Variants in GRIK3 observed in about 807,000 individuals in gnomAD.
GRIK3 encodes the protein glutamate receptor ionotropic, kainate 3.
Under a neutral mutation model 102.5 loss-of-function variants are expected in GRIK3, and 29 were observed. The observed-to-expected ratio is 0.28, with a 90% confidence interval of 0.21 to 0.39. GRIK3 has a LOEUF of 0.39. Among genes scored for constraint, GRIK3 ranks in the 10% least tolerant of loss-of-function variants. GRIK3 has a pLI of 1.00. For missense variants in GRIK3, 908 were observed against 1,252.4 expected, an observed-to-expected ratio of 0.73 and a Z score of 4.15; for synonymous variants, 511 against 504.9, an observed-to-expected ratio of 1.01 and a Z score of -0.16.
At chr1:36,877,036 C>T (rs1476499399) in intron 3 of GRIK3, among the ~76,000 whole-genome samples, 1 of 152,156 alleles carries the variant, frequency 6.6e-6, no homozygotes, top group African/African-American at 2.4e-5. Flanking sequence ...GAGTGGGTAC[C>T]TGCCCAGTGA....
At chr1:36,812,355 T>C (rs1642572202) in intron 13 of GRIK3, among the ~76,000 whole-genome samples, 1 of 152,100 alleles carries the variant, frequency 6.6e-6, no homozygotes, top group South Asian at 2.1e-4. Context: ...ATCTGTTATG[T>C]GCTCTCCCAC....
intron 1 of GRIK3, among the ~76,000 whole-genome samples, chr1:36,927,630 TAGAGGGAAAAA>T (rs1641542090): frequency 6.6e-6 from 1 of 151,614 alleles, no homozygotes; most frequent in Non-Finnish European, 1.5e-5. Context: ...AAAAGTAAGA[TAGAGGGAAAAA>T]AGAGGGAAAA....
chr1:36,921,626 T>C (rs1288343452), intron 1 of GRIK3, among the ~76,000 whole-genome samples: 1 of 146,720 alleles, frequency 6.8e-6, no homozygotes, highest in Non-Finnish European at 1.5e-5. Flanking sequence ...CTTTTTTTTT[T>C]CACATTTTAA....
At chr1:36,857,078 C>G (rs765302734) in intron 7 of GRIK3, among the ~76,000 whole-genome samples, 1 of 152,198 alleles carries the variant, frequency 6.6e-6, no homozygotes. Flanking sequence ...CTCCACTGGA[C>G]AGAGGAGGAC....
At chr1:36,864,752 T>C (rs1311030321) in intron 5 of GRIK3, among the ~76,000 whole-genome samples, 1 of 152,142 alleles carries the variant, frequency 6.6e-6, no homozygotes, top group Non-Finnish European at 1.5e-5. Flanking sequence ...CAAAGTGTTG[T>C]AGGGCCTGTG....
intron 1 of GRIK3, among the ~76,000 whole-genome samples, chr1:36,939,059 G>C (rs1641690604): frequency 6.6e-6 from 1 of 152,168 alleles, no homozygotes; most frequent in African/African-American, 2.4e-5. Context: ...AGCCAACACT[G>C]CCCTTCCCGC....
intron 3 of GRIK3, among the ~76,000 whole-genome samples, chr1:36,876,390 T>C (rs942485403): frequency 2.0e-5 from 3 of 152,050 alleles, no homozygotes; most frequent in African/African-American, 7.2e-5. Context: ...GAAAATCCCA[T>C]TGGCCTCTAC....
intron 1 of GRIK3, among the ~76,000 whole-genome samples, chr1:36,953,379 T>C (rs945065224): frequency 6.6e-6 from 1 of 152,042 alleles, no homozygotes; most frequent in African/African-American, 2.4e-5. Context: ...ACCTGCAGGA[T>C]AAAGGAGTTA....
In GRIK3 at chr1:36,941,446, C is replaced by A. The variant is rs182054284; in HGVS notation, c.116-50350G>T. Among the ~76,000 whole-genome samples, 18 of 152,286 alleles carry A rather than the reference C, an allele frequency of 1.2e-4. No homozygotes were observed. In the East Asian group the frequency reaches 3.3e-3, roughly 28 times the overall value. ...TCAGGGAAAGGGAATCAAACAGAAGCCCAGAGGCCCGGGCTGGGGGTGGCT... is the reference window on the plus strand; with the variant it reads ...TCAGGGAAAGGGAATCAAACAGAAGACCAGAGGCCCGGGCTGGGGGTGGCT... On this transcript the variant is annotated intron_variant, in intron 1 of 15. Transcript: ENST00000373091.
chr1:36,875,774 T>A (rs1377534220), intron 3 of GRIK3, among the ~76,000 whole-genome samples: 1 of 152,274 alleles, frequency 6.6e-6, no homozygotes, highest in African/African-American at 2.4e-5. Flanking sequence ...ACTTGTGAGT[T>A]AAACAAATGC....
At position 36,800,834 on chromosome 1, in the gene GRIK3, G is replaced by C. The variant is rs1462658685; in HGVS notation, c.*1017C>G. ...AACCAACTCTTCTTTCAAAAAGACA[G>C]AGTGAGGCCAAGGTCAACCAGCCAG... On this transcript the variant is annotated 3_prime_UTR_variant, in exon 16 of 16. Transcript: ENST00000373091. 1 of 152,222 alleles carries C rather than the reference G, an allele frequency of 6.6e-6. No individual in the cohort carries two copies. The highest frequency in any genetic ancestry group is 1.5e-5 in the Non-Finnish European group (1 of 68,050). 9.4% of individuals were successfully genotyped at this position (152,222 alleles called of 1,614,324 possible).
intron 1 of GRIK3, among the ~76,000 whole-genome samples, chr1:37,003,522 TG>T (rs1166741749): frequency 6.6e-6 from 1 of 152,156 alleles, no homozygotes; most frequent in African/African-American, 2.4e-5. Context: ...CCGGAGGTGG[TG>T]GGGGTCTGTC....
chr1:36,913,538 A>C (rs904843772), intron 1 of GRIK3, among the ~76,000 whole-genome samples: 1 of 152,240 alleles, frequency 6.6e-6, no homozygotes, highest in Non-Finnish European at 1.5e-5. Context: ...CTGAATGAAC[A>C]GTGAAGAAAT....
chr1:36,963,464 T>G (rs890184315), intron 1 of GRIK3, among the ~76,000 whole-genome samples: 1 of 152,174 alleles, frequency 6.6e-6, no homozygotes, highest in African/African-American at 2.4e-5. Context: ...GAACGCCTTC[T>G]GTGTGGCACG....
At chr1:36,940,627 G>T (rs1022169454) in intron 1 of GRIK3, among the ~76,000 whole-genome samples, 2 of 152,214 alleles carry the variant, frequency 1.3e-5, no homozygotes, top group African/African-American at 4.8e-5. Context: ...CTTGGGGCCT[G>T]CCTCCCGGGG....
At position 36,850,222 on chromosome 1, in the gene GRIK3, G is replaced by T; in HGVS notation, c.1326+89C>A. 1.3e-6 allele frequency: 1 copy of T among 791,252 alleles called. No homozygotes were observed. 49.0% of individuals were successfully genotyped at this position (791,252 alleles called of 1,614,324 possible). The stretch of plus-strand genomic sequence containing the variant: ...CCTACCTGCAGCCTCCATCTTCTGG[G>T]TGGGGGGGATAGAGGGGACTCTCCA... On this transcript the variant is annotated intron_variant, in intron 9 of 15. Coordinates refer to ENST00000373091, the MANE Select transcript of GRIK3 (RefSeq NM_000831.4). This position sits in a 1 kb window ranked among gnomAD's most constrained non-coding sequence, Gnocchi z 4.0.
chr1:37,008,065 C>T (rs1485688696), intron 1 of GRIK3, among the ~76,000 whole-genome samples: 2 of 152,198 alleles, frequency 1.3e-5, no homozygotes, highest in African/African-American at 2.4e-5. Context: ...GTCTCACCTC[C>T]ACCTCTTCTT....
chr1:36,994,118 G>A (rs1642390681), intron 1 of GRIK3, among the ~76,000 whole-genome samples: 1 of 152,206 alleles, frequency 6.6e-6, no homozygotes. Flanking sequence ...TGACCTCTCT[G>A]AGGATTCCAC....
intron 8 of GRIK3, among the ~76,000 whole-genome samples, chr1:36,853,106 GGAAA>G (rs1182424648): frequency 3.3e-5 from 5 of 152,154 alleles, no homozygotes; most frequent in African/African-American, 1.2e-4. Context: ...TCTTTCCAAG[GGAAA>G]GAATCACCTT....
Sources: allele counts gnomAD v4.1 joint callset (sites outside exome capture counted in the v4.1 genomes callset), GRCh38; gene constraint gnomAD v4.1.1; non-coding constraint Gnocchi (gnomAD v3.1); transcripts MANE v1.5; gene names NCBI Gene and HGNC (gene_info 2026-07-23, HGNC 2026-07-21).